TADA3: variants seen among roughly 807,000 people sequenced by gnomAD.
TADA3 encodes transcriptional adapter 3.
In TADA3, 25 loss-of-function variants were observed where a neutral mutation model predicts 43.2. The ratio of observed to expected loss-of-function variants is 0.58; its 90% CI spans 0.42 to 0.81. The LOEUF is 0.81. Among genes scored for constraint, TADA3 ranks in the 30% least tolerant of loss-of-function variants. The pLI is 0.00. For missense variants in TADA3, 441 were observed against 567.8 expected (o/e 0.78, Z 2.27); for synonymous variants, 235 against 225.5 (o/e 1.04, Z -0.38).
At chr3:9,787,581 G>A in intron 4 of TADA3, 1 of 1,033,492 alleles carries the variant, frequency 9.7e-7, no homozygotes, top group Admixed American at 2.8e-5. Flanking sequence ...TAATTCCCAA[G>A]ATAGAAGGTG....
At chr3:9,783,746 C>G (rs910445680) in intron 8 of TADA3, 2 of 335,250 alleles carry the variant, frequency 6.0e-6, no homozygotes, top group Non-Finnish European at 1.0e-5. Flanking sequence ...CCACTGCACT[C>G]CAGCCTGGGT....
chr3:9,785,564 A>G, intron 6 of TADA3, 139 bp from the exon 7 acceptor site: 1 of 600,628 alleles, frequency 1.7e-6, no homozygotes, highest in Non-Finnish European at 2.9e-6. Flanking sequence ...AAGCCTTCCC[A>G]TACCAATCCC....
intron 4 of TADA3, 179 bp from the exon 5 acceptor site, chr3:9,787,519 G>T: frequency 9.8e-7 from 1 of 1,022,988 alleles, no homozygotes; most frequent in Non-Finnish European, 1.4e-6. Context: ...ACTCTAGTAA[G>T]GGAGACAGGT....
chr3:9,786,268 G>C (rs777422051), intron 6 of TADA3, among the ~76,000 whole-genome samples: 3 of 152,106 alleles, frequency 2.0e-5, no homozygotes, highest in Non-Finnish European at 4.4e-5. Flanking sequence ...GGACTGGAGT[G>C]ACAATTACGC....
At chr3:9,785,049 T>C (rs1009287027) in intron 7 of TADA3, among the ~76,000 whole-genome samples, 1 of 152,208 alleles carries the variant, frequency 6.6e-6, no homozygotes, top group African/African-American at 2.4e-5. Context: ...AGTTATTTCA[T>C]CATATGGAGT....
chr3:9,780,753 G>A (rs555994731), intron 8 of TADA3, among the ~76,000 whole-genome samples: 6 of 152,320 alleles, frequency 3.9e-5, no homozygotes, highest in East Asian at 1.9e-4. Flanking sequence ...TGTTGATCAC[G>A]GGGGAGGCTG....
chr3:9,784,091 T>C lies in TADA3; in HGVS notation c.1043A>G (p.Lys348Arg), dbSNP rs1224189470. ...AAGTGCCTTCAGCTCAGCCTGCCGT[T>C]TGCGAAGCTCAGCAAGGACCTCATC... is the stretch of plus-strand genomic sequence containing the variant. ...SEDEVLAELR[K>R]RQAELKALSA... Residue 348 changes from lysine to arginine, a missense_variant, in exon 8 of 9, where the codon AAA becomes AGA. Physicochemically the swap from Lys to Arg is conservative, Grantham distance 26. Transcript: ENST00000301964. 1 of 1,614,060 alleles carries C rather than the reference T, an allele frequency of 6.2e-7. No homozygotes were observed. Among genetic ancestry groups the C allele is most frequent in the African/African-American group, 1.3e-5 (1 of 74,920 alleles).
chr3:9,790,058 G>A, intron 2 of TADA3, 95 bp from the exon 3 acceptor site: 1 of 1,424,368 alleles, frequency 7.0e-7, no homozygotes. Context: ...AATCTACAGA[G>A]GCTCCTGGGT....
chr3:9,789,964 C>G lies in TADA3; in HGVS notation c.208-1G>C, dbSNP rs2078696794. On this transcript the variant is annotated splice_acceptor_variant, in intron 2 of 8. Transcript: ENST00000301964. LOFTEE classifies it high-confidence loss of function. ...TCTTATCCTGCCAGTCGGTGAGGAT[C>G]TGAAATTTACAGAAAGTGTCACTGA... 2 of 1,583,420 alleles carry G rather than the reference C, an allele frequency of 1.3e-6. No individual in the cohort carries two copies. Among genetic ancestry groups the G allele is most frequent in the East Asian group, 4.5e-5 (2 of 44,526 alleles).
At chr3:9,787,585 G>A in intron 4 of TADA3, 12 of 1,034,308 alleles carry the variant, frequency 1.2e-5, no homozygotes, top group Non-Finnish European at 1.6e-5. Flanking sequence ...TCCCAAGATA[G>A]AAGGTGCAGA....
intron 2 of TADA3, 107 bp downstream of exon 2, chr3:9,791,153 C>A: frequency 8.5e-7 from 1 of 1,174,482 alleles, no homozygotes; most frequent in East Asian, 2.4e-5. Flanking sequence ...TCCCTCTCCC[C>A]ACAAACCCCT....
At chr3:9,784,327 C>T (rs2078553543) in intron 7 of TADA3, 114 bp from the exon 8 acceptor site, 1 of 1,372,184 alleles carries the variant, frequency 7.3e-7, no homozygotes, top group Non-Finnish European at 9.8e-7. Flanking sequence ...CTTTGGGCAC[C>T]CCCTCTGTAT....
chr3:9,788,961 G>A (rs946305620), intron 4 of TADA3, among the ~76,000 whole-genome samples: 6 of 151,448 alleles, frequency 4.0e-5, no homozygotes, highest in African/African-American at 2.4e-5. Flanking sequence ...TCAGCCTCCC[G>A]AGTAGCTGGG....
chr3:9,783,794 A>G, intron 8 of TADA3: 1 of 730,398 alleles, frequency 1.4e-6, no homozygotes, highest in Non-Finnish European at 2.0e-6. Flanking sequence ...AAACAAAACA[A>G]AAACAAATCA....
At chr3:9,785,208 C>G (rs575339304) in intron 7 of TADA3, 108 bp downstream of exon 7, 1 of 792,024 alleles carries the variant, frequency 1.3e-6, no homozygotes, top group South Asian at 1.8e-5. Context: ...TTAGGCTTCA[C>G]CTAACTGCCC....
chr3:9,785,568 C>A, intron 6 of TADA3, 143 bp from the exon 7 acceptor site: 1 of 595,332 alleles, frequency 1.7e-6, no homozygotes. Flanking sequence ...CTTCCCATAC[C>A]AATCCCAAAT....
At position 9,789,882 on chromosome 3, in the gene TADA3, T is replaced by TG. The variant is rs1300913222; in HGVS notation, c.288dup (p.Lys97GlnfsTer38). On this transcript the variant is annotated frameshift_variant, in exon 3 of 9. Transcript: ENST00000301964. LOFTEE classifies it high-confidence loss of function. ...TTCTGCTTCTTGGGCTTCCCATGTT[T>TG]GGGGGGAGCTCCAAGTTCATGGTCT... The TG allele has an allele frequency of 3.1e-6, 5 of 1,614,132 alleles. No individual in the cohort carries two copies. The highest frequency in any genetic ancestry group is 2.2e-5 in the East Asian group (1 of 44,902).
At chr3:9,788,827 G>A (rs2125625820) in intron 4 of TADA3, among the ~76,000 whole-genome samples, 1 of 150,734 alleles carries the variant, frequency 6.6e-6, no homozygotes, top group Middle Eastern at 3.5e-3. Context: ...GGCGTGAGGT[G>A]ACTTTTATAT....
intron 4 of TADA3, chr3:9,788,019 GA>G: frequency 3.4e-6 from 1 of 295,096 alleles, no homozygotes; most frequent in Non-Finnish European, 6.7e-6. Context: ...TATGGCCGAG[GA>G]AAATGGAGAG....
Sources: allele counts gnomAD v4.1 joint callset (sites outside exome capture counted in the v4.1 genomes callset), GRCh38; gene constraint gnomAD v4.1.1; transcripts MANE v1.5; gene names NCBI Gene and HGNC (gene_info 2026-07-23, HGNC 2026-07-21).